NXPE2: variants seen among roughly 807,000 people sequenced by gnomAD.
The protein encoded by NXPE2 is NXPE family member 2.
Under a neutral mutation model 34.4 loss-of-function variants are expected in NXPE2, and 34 were observed. The observed-to-expected ratio is 0.99, with a 90% CI of 0.75 to 1.31. The LOEUF (loss-of-function observed/expected upper bound fraction) is 1.31, where lower values mean the gene tolerates loss of function less well. Among genes scored for constraint, NXPE2 ranks in the 40% most tolerant of loss-of-function variants. NXPE2 has a pLI of 0.00. For missense variants in NXPE2, 649 were observed against 672.5 expected, an observed-to-expected ratio of 0.97 and a Z score of 0.39; for synonymous variants, 235 against 231.3, an observed-to-expected ratio of 1.02 and a Z score of -0.15.
the NXPE2 span, among the ~76,000 whole-genome samples, chr11:114,639,556 G>A: frequency 6.6e-6 from 1 of 150,846 alleles, no homozygotes; most frequent in African/African-American, 2.4e-5. Flanking sequence ...GCTGTCTTCT[G>A]CATCGCTCAG....
At chr11:114,809,773 A>T in the NXPE2 span, among the ~76,000 whole-genome samples, 2 of 101,422 alleles carry the variant, frequency 2.0e-5, no homozygotes, top group African/African-American at 7.1e-5. Context: ...GCCCAAGGTA[A>T]TTTATAGACT....
At chr11:114,657,057 G>T in the NXPE2 span, among the ~76,000 whole-genome samples, 1 of 152,172 alleles carries the variant, frequency 6.6e-6, no homozygotes, top group East Asian at 1.9e-4. Flanking sequence ...TTGCGCCACT[G>T]CACTCCAGCC....
the NXPE2 span, among the ~76,000 whole-genome samples, chr11:114,784,540 TCTCA>T: frequency 1.4e-4 from 22 of 152,196 alleles, no homozygotes; most frequent in African/African-American, 4.3e-4. Flanking sequence ...GGATTTCGCG[TCTCA>T]CTCACAAAGA....
At chr11:114,782,933 A>G in the NXPE2 span, among the ~76,000 whole-genome samples, 1 of 152,244 alleles carries the variant, frequency 6.6e-6, no homozygotes, top group Non-Finnish European at 1.5e-5. Context: ...TAGCCTGTGG[A>G]CAGATAAATT....
chr11:114,765,267 C>T, the NXPE2 span, among the ~76,000 whole-genome samples: 786 of 152,172 alleles, frequency 5.2e-3, 5 homozygotes, highest in Non-Finnish European at 8.7e-3. Context: ...TTTTTTATGG[C>T]ACTTCACTTC....
the NXPE2 span, among the ~76,000 whole-genome samples, chr11:114,732,111 G>A: frequency 6.6e-6 from 1 of 152,098 alleles, no homozygotes. Flanking sequence ...AACTTTAGGT[G>A]CAATTTACAT....
At chr11:114,484,807 G>C in the NXPE2 span, among the ~76,000 whole-genome samples, 1 of 152,114 alleles carries the variant, frequency 6.6e-6, no homozygotes, top group Non-Finnish European at 1.5e-5. Context: ...TTTCAAAAAT[G>C]TTCTTATTTC....
At chr11:114,473,278 T>TCA in the NXPE2 span, among the ~76,000 whole-genome samples, 7 of 152,232 alleles carry the variant, frequency 4.6e-5, no homozygotes, top group Non-Finnish European at 8.8e-5. Context: ...TGAGAATAAG[T>TCA]TCTTTGCTTC....
the NXPE2 span, among the ~76,000 whole-genome samples, chr11:114,487,175 G>T: frequency 6.6e-6 from 1 of 152,098 alleles, no homozygotes; most frequent in African/African-American, 2.4e-5. Flanking sequence ...TCTTGCATCA[G>T]TGTTTTATAG....
At chr11:114,607,357 C>A in the NXPE2 span, among the ~76,000 whole-genome samples, 4 of 151,946 alleles carry the variant, frequency 2.6e-5, no homozygotes, top group Non-Finnish European at 5.9e-5. Flanking sequence ...TCGTGGGTAA[C>A]CACTGTTATC....
the NXPE2 span, among the ~76,000 whole-genome samples, chr11:114,721,874 C>T: frequency 6.6e-6 from 1 of 151,870 alleles, no homozygotes; most frequent in African/African-American, 2.4e-5. Flanking sequence ...TTCTACTGCC[C>T]ATAGATAGAA....
the NXPE2 span, among the ~76,000 whole-genome samples, chr11:114,618,634 T>C: frequency 6.6e-6 from 1 of 152,026 alleles, no homozygotes; most frequent in Non-Finnish European, 1.5e-5. Context: ...GAGTAACCAC[T>C]GTTCCCCGGT....
At chr11:114,584,291 G>A in the NXPE2 span, 6 of 511,098 alleles carry the variant, frequency 1.2e-5, no homozygotes, top group Admixed American at 1.3e-4. Flanking sequence ...CCCTACATCA[G>A]TCCTTCCAAT....
chr11:114,642,949 C>T, the NXPE2 span, among the ~76,000 whole-genome samples: 10 of 152,060 alleles, frequency 6.6e-5, no homozygotes, highest in South Asian at 2.1e-4. Context: ...TTTTAATGAT[C>T]GCCATTCTAA....
the NXPE2 span, among the ~76,000 whole-genome samples, chr11:114,794,482 C>T: frequency 6.6e-6 from 1 of 152,124 alleles, no homozygotes; most frequent in South Asian, 2.1e-4. Flanking sequence ...ACCTACCACA[C>T]CAGGCAAGAA....
the NXPE2 span, among the ~76,000 whole-genome samples, chr11:114,569,056 T>G: frequency 1.3e-5 from 2 of 152,058 alleles, no homozygotes; most frequent in African/African-American, 4.8e-5. Context: ...AAATAGAAAA[T>G]GTATTATCTC....
At chr11:114,749,802 CT>C in the NXPE2 span, among the ~76,000 whole-genome samples, 1 of 152,274 alleles carries the variant, frequency 6.6e-6, no homozygotes, top group East Asian at 1.9e-4. Flanking sequence ...TCTTCTCAGG[CT>C]TTGAAACTCA....
At chr11:114,621,627 T>A in the NXPE2 span, among the ~76,000 whole-genome samples, 3 of 152,186 alleles carry the variant, frequency 2.0e-5, no homozygotes, top group African/African-American at 7.2e-5. Context: ...ACCCAGTGGA[T>A]AATAAGTATT....
the NXPE2 span, among the ~76,000 whole-genome samples, chr11:114,601,800 T>TTA: frequency 1.4e-5 from 1 of 69,386 alleles, no homozygotes; most frequent in Non-Finnish European, 2.3e-5. Flanking sequence ...TGATATATGA[T>TTA]TATATATTAT....
Sources: gnomAD v4.1 joint callset for allele counts (sites outside exome capture counted in the v4.1 genomes callset) on GRCh38, gnomAD v4.1.1 for gene constraint, MANE v1.5 for transcripts, NCBI Gene and HGNC (gene_info 2026-07-23, HGNC 2026-07-21) for gene names.